The following PDE10A variants were observed in gnomAD, a reference collection of about 807,000 sequenced individuals.
PDE10A encodes phosphodiesterase 10A, also known as cAMP and cAMP-inhibited cGMP 3',5'-cyclic phosphodiesterase 10A.
PDE10A carries 39 observed loss-of-function variants against 97.7 expected under a neutral mutation model. The ratio of observed to expected loss-of-function variants is 0.40; its 90% CI spans 0.31 to 0.52. The LOEUF (loss-of-function observed/expected upper bound fraction) is 0.52, where lower values mean the gene tolerates loss of function less well. Ranked by LOEUF, PDE10A falls within the 20% of genes least tolerant of loss-of-function variation. The probability of loss-of-function intolerance (pLI) is 0.56; values close to 1 mark genes in which losing one functional copy is unlikely to be tolerated. For missense variants in PDE10A, 731 were observed against 1,047.8 expected, an observed-to-expected ratio of 0.70 and a Z score of 4.17; for synonymous variants, 371 against 376.8, an observed-to-expected ratio of 0.98 and a Z score of 0.18.
chr6:165,471,102 C>G (rs186371940), intron 3 of PDE10A, among the ~76,000 whole-genome samples: 120 of 152,304 alleles, frequency 7.9e-4, no homozygotes, highest in Non-Finnish European at 1.3e-3. Context: ...AATGACCCCA[C>G]ACTGCCAAAC....
chr6:165,402,200 T>A (rs1786721649), intron 13 of PDE10A, among the ~76,000 whole-genome samples: 1 of 152,140 alleles, frequency 6.6e-6, no homozygotes, highest in Admixed American at 6.6e-5. Context: ...GACCTAAAAT[T>A]AGAATAAATT....
At chr6:165,366,262 T>G (rs1783763833) in intron 18 of PDE10A, among the ~76,000 whole-genome samples, 1 of 152,162 alleles carries the variant, frequency 6.6e-6, no homozygotes, top group Non-Finnish European at 1.5e-5. Flanking sequence ...TGTTGTAAAT[T>G]CTAGCTATGC....
intron 1 of PDE10A, among the ~76,000 whole-genome samples, chr6:165,925,340 G>A (rs969273771): frequency 3.9e-5 from 6 of 152,166 alleles, no homozygotes; most frequent in South Asian, 2.1e-4. Context: ...AGTTTCTTAC[G>A]AAGCAAACCA....
intron 18 of PDE10A, among the ~76,000 whole-genome samples, chr6:165,369,215 C>A (rs981480157): frequency 4.6e-5 from 7 of 152,112 alleles, no homozygotes; most frequent in Admixed American, 4.6e-4. Context: ...AGCAACGGAA[C>A]AAAGCTGGAT....
At chr6:165,967,118 A>T (rs1482759250) in intron 1 of PDE10A, among the ~76,000 whole-genome samples, 1 of 152,154 alleles carries the variant, frequency 6.6e-6, no homozygotes, top group Non-Finnish European at 1.5e-5. Context: ...ATTCCTAGAG[A>T]TGCCCTGGGC....
intron 18 of PDE10A, among the ~76,000 whole-genome samples, chr6:165,346,298 G>A (rs776055507): frequency 1.5e-4 from 23 of 152,194 alleles, no homozygotes; most frequent in Non-Finnish European, 2.5e-4. Flanking sequence ...TATGGTGACA[G>A]TAGTGGGACA....
intron 1 of PDE10A, among the ~76,000 whole-genome samples, chr6:165,857,025 A>T (rs1780755692): frequency 1.3e-5 from 2 of 152,234 alleles, no homozygotes; most frequent in South Asian, 4.1e-4. Context: ...AATTTATCAA[A>T]TTCATCACCC....
intron 9 of PDE10A, 67 bp from the exon 10 acceptor site, chr6:165,428,776 T>C: frequency 1.6e-6 from 1 of 611,694 alleles, no homozygotes; most frequent in Non-Finnish European, 2.9e-6. Flanking sequence ...ACACTTTGAA[T>C]TCATTTCCTG....
At chr6:165,885,621 G>T (rs1781609127) in intron 1 of PDE10A, among the ~76,000 whole-genome samples, 1 of 152,232 alleles carries the variant, frequency 6.6e-6, no homozygotes, top group Non-Finnish European at 1.5e-5. Context: ...CAGAGGTGCG[G>T]ATCTCACTGA....
chr6:165,440,142 T>C (rs1039092124), intron 5 of PDE10A, among the ~76,000 whole-genome samples: 5 of 152,214 alleles, frequency 3.3e-5, no homozygotes, highest in African/African-American at 1.2e-4. Context: ...TTTACATCTA[T>C]GTAGACGGCC....
chr6:165,894,751 T>C (rs1191393270), intron 1 of PDE10A: 1 of 310,652 alleles, frequency 3.2e-6, no homozygotes, highest in Non-Finnish European at 6.4e-6. Context: ...GTTCATATTG[T>C]GTTATAATAT....
At chr6:165,579,882 C>A (rs1167919165) in intron 1 of PDE10A, among the ~76,000 whole-genome samples, 5 of 152,130 alleles carry the variant, frequency 3.3e-5, no homozygotes, top group Non-Finnish European at 5.9e-5. Flanking sequence ...TACATCACAC[C>A]TCCTGCGAGC....
chr6:165,674,602 T>G (rs954242270), intron 1 of PDE10A, among the ~76,000 whole-genome samples: 2 of 152,138 alleles, frequency 1.3e-5, no homozygotes, highest in Non-Finnish European at 2.9e-5. Flanking sequence ...GTAAAATGGC[T>G]CGCTAATGAT....
chr6:165,481,276 A>G (rs1779592312), intron 3 of PDE10A, among the ~76,000 whole-genome samples: 1 of 152,118 alleles, frequency 6.6e-6, no homozygotes, highest in Non-Finnish European at 1.5e-5. Context: ...CAGACCAAGG[A>G]ACTCTTCAAT....
rs1484647505 is a variant in PDE10A at position 165,332,865 on chromosome 6, C to T, written c.*160G>A. On this transcript the variant is annotated 3_prime_UTR_variant, in exon 22 of 22. Coordinates refer to ENST00000539869, the MANE Select transcript of PDE10A (RefSeq NM_001385079.1). ...CTCACAGAAGAGATTGGCAGGAAGT[C>T]CTCTGCTTGACTTATTTATTTGATG... 4.9e-6 allele frequency: 3 copies of T among 606,172 alleles called. No individual in the cohort carries two copies. The East Asian group carries it at 8.4e-5, about 17-fold the overall frequency. 37.5% of individuals were successfully genotyped at this position (606,172 alleles called of 1,614,324 possible).
At chr6:165,607,947 G>A (rs935353725) in intron 1 of PDE10A, among the ~76,000 whole-genome samples, 3 of 151,900 alleles carry the variant, frequency 2.0e-5, no homozygotes, top group African/African-American at 7.3e-5. Context: ...GAAGGGGAAC[G>A]ACCCACATGA....
At chr6:165,726,484 C>T (rs531990734) in intron 1 of PDE10A, among the ~76,000 whole-genome samples, 169 of 152,298 alleles carry the variant, frequency 1.1e-3, no homozygotes, top group African/African-American at 3.8e-3. Flanking sequence ...AGAATTCAAG[C>T]TGTGTCAGCA....
intron 1 of PDE10A, among the ~76,000 whole-genome samples, chr6:165,901,244 C>G (rs1346843217): frequency 6.6e-6 from 1 of 152,196 alleles, no homozygotes; most frequent in Non-Finnish European, 1.5e-5. Flanking sequence ...CCAAGGCTAG[C>G]TAAACAAATG....
chr6:165,649,177 T>C (rs1789554414), intron 1 of PDE10A, among the ~76,000 whole-genome samples: 1 of 152,040 alleles, frequency 6.6e-6, no homozygotes, highest in Non-Finnish European at 1.5e-5. Flanking sequence ...GGAGTGAAGA[T>C]GGAGGTTTAA....
Sources: gnomAD v4.1 joint callset for allele counts (sites outside exome capture counted in the v4.1 genomes callset) on GRCh38, gnomAD v4.1.1 for gene constraint, MANE v1.5 for transcripts, NCBI Gene and HGNC (gene_info 2026-07-23, HGNC 2026-07-21) for gene names.